FGGY: variants seen among roughly 807,000 people sequenced by gnomAD.
FGGY encodes the protein FGGY carbohydrate kinase domain-containing protein.
FGGY carries 72 observed loss-of-function variants against 71.3 expected under a neutral mutation model. The observed-to-expected ratio is 1.01, with a 90% CI of 0.84 to 1.23. The LOEUF is 1.23. Among genes scored for constraint, FGGY ranks in the 50% most tolerant of loss-of-function variants. The pLI, the probability that FGGY is intolerant of heterozygous loss-of-function variation, is 0.00. For missense variants in FGGY, 668 were observed against 682.3 expected (o/e 0.98, Z 0.23); for synonymous variants, 251 against 250.3 (o/e 1.00, Z -0.02).
At chr1:59,372,524 A>G (rs1431395289) in intron 4 of FGGY, among the ~76,000 whole-genome samples, 1 of 152,190 alleles carries the variant, frequency 6.6e-6, no homozygotes, top group African/African-American at 2.4e-5. Context: ...ATTCCAATCA[A>G]TAGAAAAAGA....
Position 59,626,007 on chromosome 1 carries a change from G to A in FGGY, c.1031G>A (p.Gly344Asp), listed in dbSNP as rs769578770. ...TGKLIDHMVQ[G>D]HAAFPELQVK... is the part of the protein sequence containing the mutation. ...TTTCAGATAGACCACATGGTACAAG[G>A]CCATGCTGCTTTTCCAGAACTACAA... Residue 344 changes from glycine to aspartate, a missense_variant, in exon 10 of 16, where the codon GGC (glycine) becomes GAC (aspartate). Around this residue, in one of 2 missense-constraint regions of FGGY, gnomAD observed 661 missense variants for 661.6 expected, o/e 1.00. Transcript: ENST00000303721. The A allele has an allele frequency of 1.9e-6, 3 of 1,613,340 alleles. No individual in the cohort carries two copies. The highest frequency in any genetic ancestry group is 2.2e-5 in the East Asian group (1 of 44,866).
intron 7 of FGGY, among the ~76,000 whole-genome samples, chr1:59,546,523 G>T (rs566541140): frequency 0.024 from 1,805 of 74,328 alleles, 26 homozygotes; most frequent in South Asian, 0.042. Context: ...TGATGATGAT[G>T]ATGATGATGA....
At chr1:59,385,862 G>T (rs1286918424) in intron 5 of FGGY, among the ~76,000 whole-genome samples, 1 of 152,066 alleles carries the variant, frequency 6.6e-6, no homozygotes, top group African/African-American at 2.4e-5. Context: ...TTAACTGAGT[G>T]AACAGATAAA....
At chr1:59,402,042 G>A (rs1300376199) in intron 5 of FGGY, among the ~76,000 whole-genome samples, 1 of 152,236 alleles carries the variant, frequency 6.6e-6, no homozygotes, top group Non-Finnish European at 1.5e-5. Context: ...TAGGCTATAA[G>A]CTTTCTGACT....
intron 14 of FGGY, among the ~76,000 whole-genome samples, chr1:59,723,656 C>T (rs2097916052): frequency 6.6e-6 from 1 of 151,952 alleles, no homozygotes; most frequent in South Asian, 2.1e-4. Flanking sequence ...TCACCCACCA[C>T]ACAGAGTGAG....
intron 14 of FGGY, among the ~76,000 whole-genome samples, chr1:59,730,444 C>T (rs2098012140): frequency 1.3e-5 from 2 of 151,992 alleles, no homozygotes; most frequent in East Asian, 1.9e-4. Flanking sequence ...CTTATGAAAG[C>T]AGGGGCCATG....
At chr1:59,572,671 G>A (rs2096007162) in intron 8 of FGGY, among the ~76,000 whole-genome samples, 1 of 152,134 alleles carries the variant, frequency 6.6e-6, no homozygotes, top group Admixed American at 6.6e-5. Flanking sequence ...GAGATGAGAT[G>A]TCGATATATT....
At chr1:59,751,370 C>T (rs532361888) in intron 14 of FGGY, among the ~76,000 whole-genome samples, 97 of 152,206 alleles carry the variant, frequency 6.4e-4, no homozygotes, top group South Asian at 2.7e-3. Context: ...TGTTTTTTAA[C>T]CATATACCCC....
rs1399806738 is a variant in FGGY at position 59,344,637 on chromosome 1, C to T, written c.314-1610C>T. The stretch of plus-strand genomic sequence containing the variant: ...TCCTTAAGACCATAACCCACAGATA[C>T]TCAAGTCCCTGATGTAAAATGGCAT... On this transcript the variant is annotated intron_variant, in intron 3 of 15. Coordinates refer to ENST00000303721, the MANE Select transcript of FGGY (RefSeq NM_018291.5). Among the ~76,000 whole-genome samples the T allele has an allele frequency of 2.6e-5, 4 of 152,134 alleles. No individual in the cohort carries two copies. In the East Asian group the frequency reaches 7.7e-4, roughly 29 times the overall value.
In FGGY at chr1:59,739,454, G is replaced by A. The variant is rs114822099; in HGVS notation, c.1513-18477G>A. The stretch of plus-strand genomic sequence containing the variant: ...TCTTTTGAGTTTTACTCTCCCAAGC[G>A]CAGAAACTGGGTAGTGAGGGGTGCA... On this transcript the variant is annotated intron_variant, in intron 14 of 15. Coordinates refer to ENST00000303721, the MANE Select transcript of FGGY (RefSeq NM_018291.5). 2.4e-3 allele frequency among the ~76,000 whole-genome samples: 358 copies of A among 152,256 alleles called. 2 individuals are homozygous for A. The highest frequency in any genetic ancestry group is 8.1e-3 in the African/African-American group (335 of 41,548).
At chr1:59,505,191 A>G (rs1558152675) in intron 6 of FGGY, among the ~76,000 whole-genome samples, 1 of 152,226 alleles carries the variant, frequency 6.6e-6, no homozygotes, top group South Asian at 2.1e-4. Flanking sequence ...ACAAGATGTA[A>G]TAACTACAAG....
intron 10 of FGGY, among the ~76,000 whole-genome samples, chr1:59,629,772 A>G (rs903452657): frequency 2.0e-5 from 3 of 152,224 alleles, no homozygotes; most frequent in African/African-American, 2.4e-5. Context: ...AACATGTATC[A>G]TTGTGTGAAA....
chr1:59,711,038 A>C (rs887131202), intron 14 of FGGY, among the ~76,000 whole-genome samples: 1 of 152,218 alleles, frequency 6.6e-6, no homozygotes, highest in Non-Finnish European at 1.5e-5. Context: ...CTTGGAGCCA[A>C]CCCAAATGCC....
intron 6 of FGGY, among the ~76,000 whole-genome samples, chr1:59,460,305 C>T (rs1369384044): frequency 6.6e-6 from 1 of 152,184 alleles, no homozygotes; most frequent in East Asian, 1.9e-4. Context: ...ACTGCTAGCA[C>T]AGCAGTCCGA....
intron 7 of FGGY, among the ~76,000 whole-genome samples, chr1:59,542,744 A>C (rs1205892499): frequency 3.9e-5 from 6 of 152,000 alleles, no homozygotes; most frequent in African/African-American, 7.2e-5. Flanking sequence ...GCATGAGCCA[A>C]CACACCTGGC....
intron 5 of FGGY, among the ~76,000 whole-genome samples, chr1:59,398,248 T>G: frequency 6.9e-6 from 1 of 144,638 alleles, no homozygotes; most frequent in East Asian, 2.1e-4. Flanking sequence ...TAAAAAAAAA[T>G]TTTTTTTTTT....
At chr1:59,342,247 A>T (rs555364778) in intron 3 of FGGY, among the ~76,000 whole-genome samples, 1 of 152,176 alleles carries the variant, frequency 6.6e-6, no homozygotes, top group Non-Finnish European at 1.5e-5. Context: ...TCAACTTTTT[A>T]AAAAAGTTTT....
chr1:59,484,056 A>G (rs1220548743), intron 6 of FGGY, among the ~76,000 whole-genome samples: 1 of 152,182 alleles, frequency 6.6e-6, no homozygotes, highest in Non-Finnish European at 1.5e-5. Context: ...CTTCCCCAGT[A>G]ACCAATGAGG....
At chr1:59,680,095 G>A (rs2097481299) in intron 14 of FGGY, among the ~76,000 whole-genome samples, 2 of 152,120 alleles carry the variant, frequency 1.3e-5, no homozygotes, top group South Asian at 4.1e-4. Context: ...GGAATCTCTT[G>A]CCATGGATTT....
Sources: allele counts gnomAD v4.1 joint callset (sites outside exome capture counted in the v4.1 genomes callset), GRCh38; gene constraint gnomAD v4.1.1; regional missense constraint gnomAD v4.1.1; transcripts MANE v1.5; gene names NCBI Gene and HGNC (gene_info 2026-07-23, HGNC 2026-07-21).